The following SDK1 variants were observed in gnomAD, a reference collection of about 807,000 sequenced individuals.
SDK1 encodes the protein sidekick cell adhesion molecule 1, also known as protein sidekick-1.
A neutral mutation model predicts 245.5 loss-of-function variants in SDK1; 157 were observed. The ratio of observed to expected loss-of-function variants is 0.64; its 90% CI spans 0.56 to 0.73. The LOEUF (loss-of-function observed/expected upper bound fraction) is 0.73. SDK1 is among the 30% of genes least tolerant of loss of function. The pLI, the probability that SDK1 is intolerant of heterozygous loss-of-function variation, is 0.00. For missense variants in SDK1, 3,583 were observed against 3,002.3 expected, an observed-to-expected ratio of 1.19 and a Z score of -4.52; for synonymous variants, 1,647 against 1,278.5, an observed-to-expected ratio of 1.29 and a Z score of -6.15.
At chr7:3,477,023 T>C (rs1781365451) in intron 1 of SDK1, among the ~76,000 whole-genome samples, 1 of 152,060 alleles carries the variant, frequency 6.6e-6, no homozygotes, top group South Asian at 2.1e-4. Flanking sequence ...TTTGAGAGAA[T>C]GGCAGAGAAA....
chr7:3,960,043 C>T (rs1490355429), intron 8 of SDK1, among the ~76,000 whole-genome samples: 1 of 152,208 alleles, frequency 6.6e-6, no homozygotes, highest in Non-Finnish European at 1.5e-5. Flanking sequence ...TTATACCCAT[C>T]CGTCCTAAGG....
intron 4 of SDK1, among the ~76,000 whole-genome samples, chr7:3,786,462 C>T (rs1301044397): frequency 1.3e-5 from 2 of 152,150 alleles, no homozygotes; most frequent in Admixed American, 1.3e-4. Flanking sequence ...AAATCCTAGC[C>T]TAGCAACGGT....
chr7:3,805,057 G>A (rs962834747), intron 4 of SDK1, among the ~76,000 whole-genome samples: 5 of 152,100 alleles, frequency 3.3e-5, no homozygotes, highest in Non-Finnish European at 7.3e-5. Context: ...AAATACATGA[G>A]GTAATGTATG....
intron 1 of SDK1, among the ~76,000 whole-genome samples, chr7:3,583,468 T>G (rs1016265546): frequency 1.3e-5 from 2 of 152,112 alleles, no homozygotes; most frequent in African/African-American, 4.8e-5. Flanking sequence ...TGGAAATATG[T>G]GAGGAGCTAA....
chr7:3,582,202 C>G, intron 1 of SDK1, among the ~76,000 whole-genome samples: 1 of 151,834 alleles, frequency 6.6e-6, no homozygotes, highest in South Asian at 2.1e-4. Flanking sequence ...AGGTCTGTCT[C>G]AGGTAGGTCT....
At position 3,845,755 on chromosome 7, in the gene SDK1, T is replaced by C. The variant is rs147800730; in HGVS notation, c.847+24172T>C. Among the ~76,000 whole-genome samples the C allele has an allele frequency of 8.2e-3, 1,255 of 152,192 alleles. 12 individuals carry two copies. Among genetic ancestry groups the C allele is most frequent in the Middle Eastern group, 0.024 (7 of 294 alleles). ...AAAAAGAAATTCCATTTGCAGTGTT[T>C]ATTTAACACTGAACAGGTTGCTTGC... On this transcript the variant is annotated intron_variant, in intron 5 of 44. Transcript: ENST00000404826.
chr7:3,598,649 AATC>A (rs1781149620), intron 1 of SDK1, among the ~76,000 whole-genome samples: 1 of 152,148 alleles, frequency 6.6e-6, no homozygotes. Flanking sequence ...GGCAAACCCT[AATC>A]CCTTCTCTAT....
chr7:3,678,731 G>A (rs1017570561), intron 4 of SDK1, among the ~76,000 whole-genome samples: 1 of 152,142 alleles, frequency 6.6e-6, no homozygotes, highest in African/African-American at 2.4e-5. Flanking sequence ...CACTGTGAAT[G>A]TACTTAACAC....
intron 28 of SDK1, among the ~76,000 whole-genome samples, chr7:4,139,523 G>GTA (rs549854604): frequency 0.23 from 2,316 of 10,186 alleles, 815 homozygotes; most frequent in South Asian, 0.34. Context: ...ATATGTGTGT[G>GTA]TATGTGTGTG....
chr7:4,144,119 G>A (rs1779784002), intron 28 of SDK1, among the ~76,000 whole-genome samples: 1 of 151,478 alleles, frequency 6.6e-6, no homozygotes, highest in Non-Finnish European at 1.5e-5. Flanking sequence ...CTACACAGGG[G>A]TGTGGGGGAA....
At position 3,922,571 on chromosome 7, in the gene SDK1, G is replaced by A. The variant is rs552311602; in HGVS notation, c.848-28352G>A. ...AACAATGTAATCTCATTAACATTCC[G>A]TAGATGTTACTTCATTCTGTTATTG... On this transcript the variant is annotated intron_variant, in intron 5 of 44. Coordinates refer to ENST00000404826, the MANE Select transcript of SDK1 (RefSeq NM_152744.4). Among the ~76,000 whole-genome samples, 20 of 152,308 alleles carry A rather than the reference G, an allele frequency of 1.3e-4. No individual in the cohort carries two copies. The South Asian group carries it at 1.9e-3, about 14-fold the overall frequency.
chr7:3,921,416 G>C (rs1779583091), intron 5 of SDK1, among the ~76,000 whole-genome samples: 1 of 152,114 alleles, frequency 6.6e-6, no homozygotes, highest in African/African-American at 2.4e-5. Flanking sequence ...TAGACGGAAT[G>C]GCAAATATTC....
At chr7:3,480,385 G>A (rs138773798) in intron 1 of SDK1, among the ~76,000 whole-genome samples, 24 of 151,970 alleles carry the variant, frequency 1.6e-4, no homozygotes, top group Middle Eastern at 3.4e-3. Flanking sequence ...AAGAACTTCC[G>A]TGTTCCGGAT....
chr7:3,913,413 C>T (rs939999579), intron 5 of SDK1, among the ~76,000 whole-genome samples: 2 of 151,448 alleles, frequency 1.3e-5, no homozygotes, highest in African/African-American at 4.8e-5. Context: ...CCTGCCTCAG[C>T]CGCTCGAGTA....
At chr7:3,448,927 T>A (rs539847070) in intron 1 of SDK1, among the ~76,000 whole-genome samples, 3 of 152,312 alleles carry the variant, frequency 2.0e-5, no homozygotes, top group Admixed American at 2.0e-4. Context: ...CAGGAAGGAT[T>A]ATTCCTGCGA....
chr7:4,227,472 G>A (rs140309028), intron 40 of SDK1: 39 of 468,468 alleles, frequency 8.3e-5, no homozygotes, highest in African/African-American at 5.4e-4. Context: ...ATGTTTAAGC[G>A]CCACCAGCTT....
intron 16 of SDK1, among the ~76,000 whole-genome samples, chr7:4,016,831 A>G (rs1786438095): frequency 6.6e-6 from 1 of 152,102 alleles, no homozygotes. Flanking sequence ...TCTCAAACTG[A>G]TTTACAGCAA....
intron 22 of SDK1, among the ~76,000 whole-genome samples, chr7:4,096,347 C>A (rs1186377682): frequency 6.6e-6 from 1 of 152,096 alleles, no homozygotes. Context: ...CCTGGTAAAA[C>A]CAGCAGAAGA....
At chr7:3,749,559 A>T (rs1475449703) in intron 4 of SDK1, among the ~76,000 whole-genome samples, 2 of 152,064 alleles carry the variant, frequency 1.3e-5, no homozygotes, top group African/African-American at 4.8e-5. Context: ...TTGGCCTCCC[A>T]AAGTGCTGGG....
Sources: allele counts gnomAD v4.1 joint callset (sites outside exome capture counted in the v4.1 genomes callset), GRCh38; gene constraint gnomAD v4.1.1; transcripts MANE v1.5; gene names NCBI Gene and HGNC (gene_info 2026-07-23, HGNC 2026-07-21).